The following ERN1 variants were observed in gnomAD, a reference collection of about 807,000 sequenced individuals.
ERN1 encodes endoplasmic reticulum to nucleus signaling 1, also known as serine/threonine-protein kinase/endoribonuclease IRE1.
ERN1 carries 39 observed loss-of-function variants against 113.1 expected under a neutral mutation model. The observed-to-expected ratio is 0.34, with a 90% confidence interval of 0.27 to 0.45. ERN1 has a LOEUF of 0.45. ERN1 is among the 20% of genes least tolerant of loss of function. ERN1 has a pLI of 1.00. For missense variants in ERN1, 976 were observed against 1,274.8 expected (o/e 0.77, Z 3.57); for synonymous variants, 507 against 515.9 (o/e 0.98, Z 0.23).
At chr17:64,045,515 C>CA in intron 19 of ERN1, 33 bp from the exon 20 acceptor site, 1 of 1,613,394 alleles carries the variant, frequency 6.2e-7, no homozygotes, top group Non-Finnish European at 8.5e-7. Context: ...AGATGATGGT[C>CA]AGTGCTGGAG....
chr17:64,068,640 C>T (rs1020915046), intron 6 of ERN1, among the ~76,000 whole-genome samples: 4 of 152,156 alleles, frequency 2.6e-5, no homozygotes, highest in Middle Eastern at 3.2e-3. Context: ...CACCTTGAAG[C>T]AGGATGGCGC....
intron 2 of ERN1, among the ~76,000 whole-genome samples, chr17:64,084,939 A>G (rs531941108): frequency 6.6e-6 from 1 of 152,082 alleles, no homozygotes; most frequent in Non-Finnish European, 1.5e-5. Context: ...TTCCATGATC[A>G]CCTCCTACTG....
At chr17:64,048,688 G>A (rs1251415102) in intron 18 of ERN1, among the ~76,000 whole-genome samples, 3 of 152,038 alleles carry the variant, frequency 2.0e-5, no homozygotes, top group Non-Finnish European at 4.4e-5. Flanking sequence ...CTGACCACTC[G>A]CCATCCCAAG....
Position 64,098,223 on chromosome 17 carries a change from T to C in ERN1, c.73A>G (p.Thr25Ala), listed in dbSNP as rs780954054. 2 of 1,613,966 alleles carry C rather than the reference T, an allele frequency of 1.2e-6. No individual in the cohort carries two copies. The highest frequency in any genetic ancestry group is 3.3e-5 in the Admixed American group (2 of 60,014). Residue 25 changes from threonine (T) to alanine (A), a missense_variant, in exon 2 of 22, where the codon ACA (threonine) becomes GCA (alanine). Transcript: ENST00000433197. ...PGLGIFGSTS[T>A]VTLPETLLFV... ...AACAAGGTTTCAGGAAGCGTCACTG[T>C]GCTGGTACTTCCAAAAATCTGCAAC...
chr17:64,059,928 C>G (rs140991700), intron 11 of ERN1, among the ~76,000 whole-genome samples: 1 of 149,328 alleles, frequency 6.7e-6, no homozygotes, highest in Non-Finnish European at 1.5e-5. Flanking sequence ...TGGGCTCAAG[C>G]GATCCTCCTG....
In ERN1 at chr17:64,054,224, T is replaced by C. The variant is rs756023644; in HGVS notation, c.1953+26A>G. On this transcript the variant is annotated intron_variant, in intron 15 of 21. Coordinates refer to ENST00000433197, the MANE Select transcript of ERN1 (RefSeq NM_001433.5). The surrounding 1 kb of genome is among the most constrained non-coding windows in gnomAD (Gnocchi z 4.9). ...CAAAGTGCTATGACTTTAATAAAGT[T>C]AACAAAATAAAAAAAATAAATCCAC... 2.9e-5 allele frequency: 46 copies of C among 1,576,410 alleles called. No individual in the cohort carries two copies. Among genetic ancestry groups the C allele is most frequent in the Non-Finnish European group, 3.7e-5 (43 of 1,159,036 alleles).
At chr17:64,057,004 T>A (rs1215546885) in intron 12 of ERN1, among the ~76,000 whole-genome samples, 1 of 152,166 alleles carries the variant, frequency 6.6e-6, no homozygotes, top group Middle Eastern at 3.2e-3. Context: ...CCTCACATAT[T>A]TCATCCCACC....
rs1912606413 is a variant in ERN1, at chr17:64,049,174, C to G, written c.2282G>C (p.Gly761Ala). 1 of 1,601,654 alleles carries G rather than the reference C, an allele frequency of 6.2e-7. No individual in the cohort carries two copies. The highest frequency in any genetic ancestry group is 1.3e-5 in the African/African-American group (1 of 74,640). ...AGAGATTACGTAGTAAAAGACGCAGCCTGCAGAAAAGATGTCCACCGTGTA... is the reference window on the plus strand; with the variant it reads ...AGAGATTACGTAGTAAAAGACGCAGGCTGCAGAAAAGATGTCCACCGTGTA... ...PTYTVDIFSAGCVFYYVISEG... is the reference protein window; with the variant it reads ...PTYTVDIFSAACVFYYVISEG... The change falls in exon 18 of 22, where the codon GGC becomes GCC. Residue 761 changes from glycine (G) to alanine (A), a missense_variant. By Grantham distance (60) the Gly-to-Ala change is moderately conservative. Around this residue, in one of 5 missense-constraint regions of ERN1, gnomAD observed 297 missense variants for 457.8 expected, o/e 0.65. Coordinates refer to ENST00000433197, the MANE Select transcript of ERN1 (RefSeq NM_001433.5). This position sits in a 1 kb window ranked among gnomAD's most constrained non-coding sequence, Gnocchi z 4.7.
Position 64,130,064 on chromosome 17 carries a change from G to A in ERN1, c.-35C>T. ...TCGGCCCTGGCTCCGGGGGCGGTAC[G>A]GACAGAGGACGGGGCGGGGGCGCCG... On this transcript the variant is annotated 5_prime_UTR_variant, in exon 1 of 22. Coordinates refer to ENST00000433197, the MANE Select transcript of ERN1 (RefSeq NM_001433.5). This position sits in a 1 kb window ranked among gnomAD's most constrained non-coding sequence, Gnocchi z 4.0. 1.5e-6 allele frequency: 2 copies of A among 1,364,288 alleles called. No individual in the cohort carries two copies. Among genetic ancestry groups the A allele is most frequent in the East Asian group, 3.1e-5 (1 of 32,756 alleles). 84.5% of individuals were successfully genotyped at this position (1,364,288 alleles called of 1,614,324 possible).
At chr17:64,105,983 AC>A (rs1435721997) in intron 1 of ERN1, among the ~76,000 whole-genome samples, 1 of 152,018 alleles carries the variant, frequency 6.6e-6, no homozygotes, top group East Asian at 1.9e-4. Context: ...AAGAAAGAAA[AC>A]CATTCCTCCA....
intron 7 of ERN1, among the ~76,000 whole-genome samples, chr17:64,067,209 TGA>T (rs1332351425): frequency 1.3e-5 from 2 of 152,004 alleles, no homozygotes; most frequent in African/African-American, 4.8e-5. Context: ...ATTCAATAAG[TGA>T]GAGTAAATAC....
At chr17:64,114,819 G>A (rs768239051) in intron 1 of ERN1, among the ~76,000 whole-genome samples, 16 of 152,196 alleles carry the variant, frequency 1.1e-4, no homozygotes, top group South Asian at 2.1e-4. Context: ...ACTAACATTC[G>A]ACTGATGTTG....
intron 1 of ERN1, among the ~76,000 whole-genome samples, chr17:64,125,253 A>G (rs1490218761): frequency 6.6e-6 from 1 of 152,160 alleles, no homozygotes; most frequent in African/African-American, 2.4e-5. Flanking sequence ...ACTTTTCTAC[A>G]ATGAATATGA....
intron 2 of ERN1, among the ~76,000 whole-genome samples, chr17:64,082,418 A>C (rs998199364): frequency 6.6e-6 from 1 of 152,366 alleles, no homozygotes; most frequent in Non-Finnish European, 1.5e-5. Context: ...GCAATAACCC[A>C]GTTATTTTAA....
chr17:64,069,565 AC>A (rs1286527910), intron 6 of ERN1, among the ~76,000 whole-genome samples: 1 of 152,128 alleles, frequency 6.6e-6, no homozygotes, highest in Non-Finnish European at 1.5e-5. Context: ...AATATTCCCT[AC>A]CCCTGGAGGA....
chr17:64,088,597 A>G (rs8067914), intron 2 of ERN1, among the ~76,000 whole-genome samples: 3,004 of 152,240 alleles, frequency 0.02, 99 homozygotes, highest in African/African-American at 0.068. Context: ...AGATGCGCCA[A>G]ACACATCTCA....
At chr17:64,058,585 A>C (rs1912954512) in intron 11 of ERN1, among the ~76,000 whole-genome samples, 1 of 152,204 alleles carries the variant, frequency 6.6e-6, no homozygotes, top group Non-Finnish European at 1.5e-5. Flanking sequence ...TAGAAGCCCA[A>C]AATTAAATCA....
intron 1 of ERN1, among the ~76,000 whole-genome samples, chr17:64,114,614 A>G (rs536959328): frequency 6.6e-6 from 1 of 152,330 alleles, no homozygotes; most frequent in East Asian, 1.9e-4. Flanking sequence ...CGTGGGCCAC[A>G]AGAGTCAGAA....
At chr17:64,097,431 G>A (rs1914260746) in intron 2 of ERN1, among the ~76,000 whole-genome samples, 1 of 152,196 alleles carries the variant, frequency 6.6e-6, no homozygotes. Context: ...CGGGCCAAAT[G>A]AGATTTATTA....
Sources: gnomAD v4.1 joint callset for allele counts (sites outside exome capture counted in the v4.1 genomes callset) on GRCh38, gnomAD v4.1.1 for gene constraint, gnomAD v4.1.1 regional missense constraint, Gnocchi (gnomAD v3.1) non-coding constraint, MANE v1.5 for transcripts, NCBI Gene and HGNC (gene_info 2026-07-23, HGNC 2026-07-21) for gene names.